RABGAP1L: variants seen among roughly 807,000 people sequenced by gnomAD.
RABGAP1L encodes RAB GTPase activating protein 1 like, also known as rab GTPase-activating protein 1-like.
RABGAP1L carries 63 observed loss-of-function variants against 137.7 expected under a neutral mutation model. The ratio of observed to expected loss-of-function variants is 0.46; its 90% CI spans 0.37 to 0.56. RABGAP1L has a LOEUF of 0.56. RABGAP1L is among the 20% of genes least tolerant of loss of function. The probability of loss-of-function intolerance (pLI) is 0.00; values close to 1 mark genes in which losing one functional copy is unlikely to be tolerated. For synonymous variants in RABGAP1L, 431 were observed against 433.7 expected (o/e 0.99, Z 0.08); for missense variants, 1,095 against 1,244.0 (o/e 0.88, Z 1.80).
At chr1:174,357,138 A>C (rs1683712503) in intron 11 of RABGAP1L, among the ~76,000 whole-genome samples, 2 of 152,206 alleles carry the variant, frequency 1.3e-5, no homozygotes, top group Non-Finnish European at 2.9e-5. Flanking sequence ...CTGCTCCCTA[A>C]GTTAAGCGTA....
In RABGAP1L at chr1:174,637,364, T is replaced by G; in HGVS notation, c.1711-11T>G. ...AATTTAATAACCAGGTCTATTTTCT[T>G]TCTTTTTTAGGACTCAGCCCAGGAG... On this transcript the variant is annotated splice_polypyrimidine_tract_variant and intron_variant, in intron 13 of 25. Coordinates refer to ENST00000681986, the MANE Select transcript of RABGAP1L (RefSeq NM_001366446.1). The G allele has an allele frequency of 6.4e-7, 1 of 1,574,574 alleles. No homozygotes were observed. Among genetic ancestry groups the G allele is most frequent in the Non-Finnish European group, 8.7e-7 (1 of 1,148,144 alleles).
At chr1:174,333,049 G>C (rs960838578) in intron 11 of RABGAP1L, among the ~76,000 whole-genome samples, 2 of 152,216 alleles carry the variant, frequency 1.3e-5, no homozygotes, top group African/African-American at 4.8e-5. Context: ...ATTATGCAAA[G>C]TGTAATAAGC....
intron 19 of RABGAP1L, chr1:174,849,876 C>A (rs1362876473): frequency 1.7e-6 from 1 of 573,336 alleles, no homozygotes; most frequent in East Asian, 4.8e-5. Flanking sequence ...AAAGTGATGG[C>A]CAAAAGGCAA....
chr1:174,580,463 A>G (rs1572390886), intron 13 of RABGAP1L, among the ~76,000 whole-genome samples: 8 of 152,152 alleles, frequency 5.3e-5, no homozygotes, highest in Non-Finnish European at 1.0e-4. Flanking sequence ...AAAAAATGAT[A>G]AGTTCATGTC....
chr1:174,267,248 C>T (rs1674149667), intron 7 of RABGAP1L, among the ~76,000 whole-genome samples: 1 of 152,108 alleles, frequency 6.6e-6, no homozygotes, highest in South Asian at 2.1e-4. Context: ...ATAAAGCATG[C>T]AGTTGAAGAC....
intron 14 of RABGAP1L, among the ~76,000 whole-genome samples, chr1:174,656,242 A>G (rs1349581591): frequency 6.6e-6 from 1 of 152,144 alleles, no homozygotes; most frequent in Non-Finnish European, 1.5e-5. Flanking sequence ...GGATGACCTG[A>G]GGTCAGGAGT....
intron 12 of RABGAP1L, among the ~76,000 whole-genome samples, chr1:174,391,203 A>T (rs1687184513): frequency 6.6e-6 from 1 of 152,186 alleles, no homozygotes; most frequent in South Asian, 2.1e-4. Context: ...AACTGAATTG[A>T]GGTAGGAGTT....
At chr1:174,211,361 T>C (rs1462114061) in intron 1 of RABGAP1L, among the ~76,000 whole-genome samples, 1 of 152,150 alleles carries the variant, frequency 6.6e-6, no homozygotes, top group African/African-American at 2.4e-5. Context: ...TAGGGTGTAG[T>C]GTCTTTATGA....
chr1:174,508,918 C>A (rs916894375), intron 13 of RABGAP1L, among the ~76,000 whole-genome samples: 3 of 151,888 alleles, frequency 2.0e-5, no homozygotes, highest in African/African-American at 7.3e-5. Flanking sequence ...TGAAAAAAAA[C>A]CCAGCACACC....
intron 13 of RABGAP1L, among the ~76,000 whole-genome samples, chr1:174,468,759 T>G (rs1657582204): frequency 6.6e-6 from 1 of 152,186 alleles, no homozygotes; most frequent in Non-Finnish European, 1.5e-5. Flanking sequence ...TTCTTCTGCT[T>G]AGAACAGTAA....
chr1:174,511,713 C>T (rs1662362267), intron 13 of RABGAP1L, among the ~76,000 whole-genome samples: 1 of 151,766 alleles, frequency 6.6e-6, no homozygotes, highest in African/African-American at 2.4e-5. Context: ...ACCTCCGCCT[C>T]CCAGGTTCAA....
At chr1:174,439,690 G>A (rs74126804) in intron 13 of RABGAP1L, among the ~76,000 whole-genome samples, 5,269 of 152,216 alleles carry the variant, frequency 0.035, 121 homozygotes, top group Middle Eastern at 0.088. Context: ...TGTGAAGTTT[G>A]TGTATTCTGA....
In RABGAP1L at chr1:174,994,315, C is replaced by G. The variant is rs897571086; in HGVS notation, c.*4314C>G. On this transcript the variant is annotated 3_prime_UTR_variant, in exon 26 of 26. Transcript: ENST00000681986. The stretch of plus-strand genomic sequence containing the variant: ...GATTTTAGTGACTGCAGTCAGCTGT[C>G]TGGCATTCCTTTCTCAGTTTGCATC... 12 of 152,212 alleles carry G rather than the reference C, an allele frequency of 7.9e-5. No individual in the cohort carries two copies. Among genetic ancestry groups the G allele is most frequent in the Non-Finnish European group, 1.8e-4 (12 of 68,038 alleles). 9.4% of individuals were successfully genotyped at this position (152,212 alleles called of 1,614,324 possible). A position where few individuals can be genotyped will look rare whatever the true frequency, so the allele number is the denominator to read the frequency against.
At chr1:174,248,759 T>C (rs1456568166) in intron 5 of RABGAP1L, among the ~76,000 whole-genome samples, 1 of 152,180 alleles carries the variant, frequency 6.6e-6, no homozygotes, top group Non-Finnish European at 1.5e-5. Context: ...ATAGGGAGTA[T>C]TCCTGTTTCA....
chr1:174,745,631 G>T (rs558866276), intron 17 of RABGAP1L, among the ~76,000 whole-genome samples: 1 of 152,236 alleles, frequency 6.6e-6, no homozygotes, highest in South Asian at 2.1e-4. Context: ...TAAAATGGTG[G>T]CAATAATACA....
chr1:174,968,756 A>G (rs934650355), intron 20 of RABGAP1L, among the ~76,000 whole-genome samples: 1 of 152,216 alleles, frequency 6.6e-6, no homozygotes, highest in Non-Finnish European at 1.5e-5. Context: ...GTCAGCTGTT[A>G]GCAAAGTCAT....
At chr1:174,238,445 T>C (rs1671423895) in intron 4 of RABGAP1L, among the ~76,000 whole-genome samples, 1 of 152,172 alleles carries the variant, frequency 6.6e-6, no homozygotes, top group Non-Finnish European at 1.5e-5. Flanking sequence ...AGATGGGTTT[T>C]TGGTGTGGAT....
intron 13 of RABGAP1L, among the ~76,000 whole-genome samples, chr1:174,628,384 C>A (rs549615134): frequency 6.6e-6 from 1 of 151,892 alleles, no homozygotes; most frequent in African/African-American, 2.4e-5. Flanking sequence ...GTATATTCAC[C>A]GAAAATTTTA....
rs150647483 is a variant in RABGAP1L, at chr1:174,528,612, G to A, written c.1711-108763G>A. The stretch of plus-strand genomic sequence containing the variant: ...TTTTTTTTTTTTAATTATAGGTGCC[G>A]AAACACTTTTCTCTTTTTGTTTTTA... On this transcript the variant is annotated intron_variant, in intron 13 of 25. Transcript: ENST00000681986. Among the ~76,000 whole-genome samples the A allele has an allele frequency of 3.6e-3, 535 of 149,140 alleles. 2 individuals carry two copies. The highest frequency in any genetic ancestry group is 0.01 in the Middle Eastern group (3 of 290).
Sources: allele counts gnomAD v4.1 joint callset (sites outside exome capture counted in the v4.1 genomes callset), GRCh38; gene constraint gnomAD v4.1.1; transcripts MANE v1.5; gene names NCBI Gene and HGNC (gene_info 2026-07-23, HGNC 2026-07-21).